RAB11FIP4: variants seen among roughly 807,000 people sequenced by gnomAD.
RAB11FIP4 encodes the protein rab11 family-interacting protein 4.
Under a neutral mutation model 74.3 loss-of-function variants are expected in RAB11FIP4, and 23 were observed. The observed-to-expected ratio is 0.31, with a 90% CI of 0.22 to 0.44. The LOEUF (loss-of-function observed/expected upper bound fraction) is 0.44, where lower values mean the gene tolerates loss of function less well. RAB11FIP4 is among the 20% of genes least tolerant of loss of function. The pLI, the probability that RAB11FIP4 is intolerant of heterozygous loss-of-function variation, is 1.00. For synonymous variants in RAB11FIP4, 360 were observed against 359.9 expected, an observed-to-expected ratio of 1.00 and a Z score of 0.00; for missense variants, 630 against 863.9, an observed-to-expected ratio of 0.73 and a Z score of 3.39.
At chr17:31,450,433 C>G (rs2071515228) in intron 3 of RAB11FIP4, among the ~76,000 whole-genome samples, 1 of 151,858 alleles carries the variant, frequency 6.6e-6, no homozygotes, top group Non-Finnish European at 1.5e-5. Context: ...CAACCTCCGC[C>G]TCCGGGGTTC....
intron 3 of RAB11FIP4, among the ~76,000 whole-genome samples, chr17:31,511,357 G>A (rs1455555182): frequency 3.9e-5 from 6 of 152,162 alleles, no homozygotes; most frequent in East Asian, 1.9e-4. Context: ...TTCCCTCCCC[G>A]TGTTTACATC....
At chr17:31,517,536 C>T in intron 3 of RAB11FIP4, 115 bp from the exon 4 acceptor site, 1 of 965,894 alleles carries the variant, frequency 1.0e-6, no homozygotes, top group Non-Finnish European at 1.6e-6. Context: ...GGATCTGGGC[C>T]TCCTGTACCC....
intron 3 of RAB11FIP4, among the ~76,000 whole-genome samples, chr17:31,514,263 C>T (rs2072505699): frequency 2.6e-5 from 4 of 152,246 alleles, no homozygotes. Flanking sequence ...GTTCCACCTG[C>T]ATGTCATGAG....
At chr17:31,491,659 CAG>C (rs1438979272) in intron 3 of RAB11FIP4, among the ~76,000 whole-genome samples, 2 of 152,130 alleles carry the variant, frequency 1.3e-5, no homozygotes, top group African/African-American at 4.8e-5. Context: ...GCTGGGGGGA[CAG>C]GGGACAAGCT....
chr17:31,405,695 C>A (rs1455136873), intron 1 of RAB11FIP4, among the ~76,000 whole-genome samples: 1 of 152,210 alleles, frequency 6.6e-6, no homozygotes, highest in Non-Finnish European at 1.5e-5. Flanking sequence ...AAATATTGTT[C>A]TTGATATAGA....
chr17:31,512,031 G>T lies in RAB11FIP4; in HGVS notation c.337-5620G>T, dbSNP rs1223441625. Among the ~76,000 whole-genome samples the T allele has an allele frequency of 6.6e-6, 1 of 152,166 alleles. No individual in the cohort carries two copies. Among genetic ancestry groups the T allele is most frequent in the Non-Finnish European group, 1.5e-5 (1 of 68,008 alleles). On this transcript the variant is annotated intron_variant, in intron 3 of 14. Coordinates refer to ENST00000621161, the MANE Select transcript of RAB11FIP4 (RefSeq NM_032932.6). The surrounding 1 kb of genome is among the most constrained non-coding windows in gnomAD (Gnocchi z 4.1). Reference sequence around the variant, plus strand: ...CTGCCAGAGTGGCTGGCTGGATCCTGTTCTCCAGCTCTCTCCAGAATGCCC... The same window carrying T: ...CTGCCAGAGTGGCTGGCTGGATCCTTTTCTCCAGCTCTCTCCAGAATGCCC...
At chr17:31,444,684 A>G (rs2071435225) in intron 3 of RAB11FIP4, among the ~76,000 whole-genome samples, 3 of 152,052 alleles carry the variant, frequency 2.0e-5, no homozygotes, top group Non-Finnish European at 4.4e-5. Flanking sequence ...CCTACTCACC[A>G]AGTTAGAGCT....
At chr17:31,392,040 C>G in intron 1 of RAB11FIP4, 29 bp downstream of exon 1, 2 of 1,252,316 alleles carry the variant, frequency 1.6e-6, no homozygotes, top group Non-Finnish European at 2.0e-6. Context: ...AGTCCCGGCC[C>G]GGGGACCCCA....
At position 31,525,181 on chromosome 17, in the gene RAB11FIP4, G is replaced by A. The variant is rs935580705; in HGVS notation, c.1225G>A (p.Gly409Ser). The change falls in exon 10 of 15, where the codon GGC (glycine) becomes AGC (serine). Residue 409 changes from glycine to serine, a missense_variant. Coordinates refer to ENST00000621161, the MANE Select transcript of RAB11FIP4 (RefSeq NM_032932.6). ...GGCGCGGCGCCACCGCGAGGCCTACGGCAAGCTGGAGAGGGAGAAGGCTAC... is the reference window on the plus strand; with the variant it reads ...GGCGCGGCGCCACCGCGAGGCCTACAGCAAGCTGGAGAGGGAGAAGGCTAC... ...EEARRHREAY[G>S]KLEREKATEV... 37 of 1,549,030 alleles carry A rather than the reference G, an allele frequency of 2.4e-5. No individual in the cohort carries two copies. Among genetic ancestry groups the A allele is most frequent in the Admixed American group, 1.6e-4 (8 of 50,956 alleles).
chr17:31,396,290 G>A (rs2151612475), intron 1 of RAB11FIP4, among the ~76,000 whole-genome samples: 1 of 152,252 alleles, frequency 6.6e-6, no homozygotes, highest in Admixed American at 6.5e-5. Flanking sequence ...ATGCCAGGGA[G>A]CAGGACTCTG....
chr17:31,424,961 C>T (rs1204967661), intron 1 of RAB11FIP4, among the ~76,000 whole-genome samples: 2 of 152,214 alleles, frequency 1.3e-5, no homozygotes, highest in African/African-American at 4.8e-5. Context: ...GAGCAGAATA[C>T]AGATTTATTC....
chr17:31,453,938 G>C (rs116786477), intron 3 of RAB11FIP4, among the ~76,000 whole-genome samples: 1 of 152,242 alleles, frequency 6.6e-6, no homozygotes, highest in East Asian at 1.9e-4. Context: ...TGACTCAGGG[G>C]TGGTGACCAG....
At chr17:31,509,469 C>T (rs2072413261) in intron 3 of RAB11FIP4, 1 of 152,294 alleles carries the variant, frequency 6.6e-6, no homozygotes, top group Non-Finnish European at 1.5e-5. Context: ...CTCCTGGCCA[C>T]ACCCTTTCTG....
intron 3 of RAB11FIP4, among the ~76,000 whole-genome samples, chr17:31,447,833 A>G (rs555477447): frequency 1.4e-5 from 2 of 146,074 alleles, no homozygotes; most frequent in African/African-American, 5.1e-5. Context: ...GCTGTATTTT[A>G]TTTTTGAGAC....
intron 1 of RAB11FIP4, among the ~76,000 whole-genome samples, chr17:31,414,087 A>G (rs1353978789): frequency 6.6e-6 from 1 of 152,140 alleles, no homozygotes; most frequent in East Asian, 1.9e-4. Flanking sequence ...CAGTCCTAAC[A>G]CATGATGAGG....
intron 3 of RAB11FIP4, among the ~76,000 whole-genome samples, chr17:31,517,215 C>A (rs867809393): frequency 2.7e-5 from 1 of 36,868 alleles, no homozygotes; most frequent in African/African-American, 1.0e-4. Flanking sequence ...GTGGGGGGGG[C>A]GGGGGGGAAG....
chr17:31,520,517 G>GT (rs796641313), intron 4 of RAB11FIP4, among the ~76,000 whole-genome samples: 1 of 151,634 alleles, frequency 6.6e-6, no homozygotes, highest in South Asian at 2.1e-4. Flanking sequence ...TTTTGTTTTT[G>GT]TTTTTTTTGA....
intron 3 of RAB11FIP4, among the ~76,000 whole-genome samples, chr17:31,457,130 G>A (rs955439277): frequency 7.9e-5 from 12 of 152,162 alleles, no homozygotes; most frequent in Non-Finnish European, 2.9e-5. Flanking sequence ...ACAGAACTGG[G>A]GGAAAGAGAG....
chr17:31,401,660 A>G (rs532579700), intron 1 of RAB11FIP4, among the ~76,000 whole-genome samples: 7 of 152,348 alleles, frequency 4.6e-5, no homozygotes, highest in African/African-American at 1.7e-4. Flanking sequence ...TTTGCTGATG[A>G]CACATGGGCC....
Sources: allele counts gnomAD v4.1 joint callset (sites outside exome capture counted in the v4.1 genomes callset), GRCh38; gene constraint gnomAD v4.1.1; non-coding constraint Gnocchi (gnomAD v3.1); transcripts MANE v1.5; gene names NCBI Gene and HGNC (gene_info 2026-07-23, HGNC 2026-07-21).